RGS5: variants seen among roughly 807,000 people sequenced by gnomAD.
RGS5 encodes regulator of G protein signaling 5.
In RGS5, 20 loss-of-function variants were observed where a neutral mutation model predicts 18.9. The ratio of observed to expected loss-of-function variants is 1.06; its 90% CI spans 0.74 to 1.54. The LOEUF (loss-of-function observed/expected upper bound fraction) is 1.54. Among genes scored for constraint, RGS5 ranks in the 40% most tolerant of loss-of-function variants. RGS5 has a pLI of 0.00. For missense variants in RGS5, 201 were observed against 211.8 expected (o/e 0.95, Z 0.32); for synonymous variants, 57 against 76.2 (o/e 0.75, Z 1.31).
At chr1:163,183,186 A>C (rs1658935040) in intron 1 of RGS5, among the ~76,000 whole-genome samples, 1 of 152,208 alleles carries the variant, frequency 6.6e-6, no homozygotes, top group Non-Finnish European at 1.5e-5. Flanking sequence ...AATGAGGAAT[A>C]AGAGGACTGT....
intron 1 of RGS5, among the ~76,000 whole-genome samples, chr1:163,182,443 GC>G (rs1158536810): frequency 1.3e-5 from 2 of 152,104 alleles, no homozygotes; most frequent in African/African-American, 4.8e-5. Context: ...CCAAGTACTG[GC>G]CACTCCCTAC....
At chr1:163,225,325 C>T (rs1258551818) in intron 2 of RGS5, among the ~76,000 whole-genome samples, 3 of 152,152 alleles carry the variant, frequency 2.0e-5, no homozygotes, top group Non-Finnish European at 4.4e-5. Flanking sequence ...CTGAGTCCAT[C>T]CAGATTTACC....
chr1:163,225,343 A>C (rs1489632721), intron 2 of RGS5, among the ~76,000 whole-genome samples: 1 of 152,184 alleles, frequency 6.6e-6, no homozygotes, highest in African/African-American at 2.4e-5. Flanking sequence ...ACCCATCCTC[A>C]TGAATCCGTT....
intron 3 of RGS5, among the ~76,000 whole-genome samples, chr1:163,160,711 C>T (rs572169519): frequency 5.3e-4 from 81 of 152,168 alleles, no homozygotes; most frequent in Middle Eastern, 6.8e-3. Context: ...TACTCTGTGC[C>T]CATTAATCAT....
intron 1 of RGS5, among the ~76,000 whole-genome samples, chr1:163,181,497 A>G (rs1658845689): frequency 6.6e-6 from 1 of 152,218 alleles, no homozygotes; most frequent in Non-Finnish European, 1.5e-5. Flanking sequence ...CCATTTTAAA[A>G]GTGGAAAAAC....
intron 2 of RGS5, among the ~76,000 whole-genome samples, chr1:163,256,352 C>A (rs936795006): frequency 2.0e-5 from 3 of 151,986 alleles, no homozygotes; most frequent in African/African-American, 4.8e-5. Flanking sequence ...GAGTGAACTC[C>A]CATTCACAGT....
rs1163677747 is a variant in RGS5 at position 163,302,992 on chromosome 1, G to A, written c.-281+3241C>T. On this transcript the variant is annotated intron_variant, in intron 2 of 5. Coordinates refer to the RGS5 transcript ENST00000618415. ...CATTTGCTCCTCTAGACTGAGTGAA[G>A]GATCTATGACTGATTCACCATTTTG... 3.4e-4 allele frequency among the ~76,000 whole-genome samples: 52 copies of A among 152,236 alleles called. 1 individual carries two copies. The highest frequency in any genetic ancestry group is 2.9e-5 in the Non-Finnish European group (2 of 68,018).
intron 3 of RGS5, among the ~76,000 whole-genome samples, chr1:163,154,708 C>A (rs1243375950): frequency 6.6e-6 from 1 of 151,726 alleles, no homozygotes; most frequent in Non-Finnish European, 1.5e-5. Flanking sequence ...ATATTTCCAG[C>A]ACTATTTGTC....
At chr1:163,158,106 G>T (rs2102389271) in intron 3 of RGS5, among the ~76,000 whole-genome samples, 1 of 152,308 alleles carries the variant, frequency 6.6e-6, no homozygotes, top group South Asian at 2.1e-4. Flanking sequence ...ATTCAAATAA[G>T]AACTTCTCAT....
rs1297911261 is a variant in RGS5 at position 163,144,362 on chromosome 1, T to C, written c.*2980A>G. The C allele has an allele frequency of 6.6e-6, 1 of 152,142 alleles. No individual in the cohort carries two copies. Among genetic ancestry groups the C allele is most frequent in the Admixed American group, 6.6e-5 (1 of 15,254 alleles). The allele number at this position is 152,142 out of a possible 1,614,324, so 9.4% of individuals were successfully genotyped here. A position where few individuals can be genotyped will look rare whatever the true frequency, so the allele number is the denominator to read the frequency against. ...TCTCTTTGTCCTGATGTAATTTAGATCTTAATCTAACCCCAACCCTAAACT... is the reference window on the plus strand; with the variant it reads ...TCTCTTTGTCCTGATGTAATTTAGACCTTAATCTAACCCCAACCCTAAACT... On this transcript the variant is annotated 3_prime_UTR_variant, in exon 5 of 5. Coordinates refer to ENST00000313961, the MANE Select transcript of RGS5 (RefSeq NM_003617.4).
chr1:163,321,392 C>T (rs1277168178), intron 1 of RGS5: 3 of 152,196 alleles, frequency 2.0e-5, no homozygotes, highest in Non-Finnish European at 4.4e-5. Context: ...AGCACAGAGT[C>T]AGAGGATGTG....
chr1:163,279,238 A>G (rs549273808), intron 2 of RGS5, among the ~76,000 whole-genome samples: 2 of 152,130 alleles, frequency 1.3e-5, no homozygotes, highest in Non-Finnish European at 2.9e-5. Flanking sequence ...TCATCAGCAC[A>G]TGGAACATTA....
At chr1:163,253,096 T>C (rs1404205940) in intron 2 of RGS5, among the ~76,000 whole-genome samples, 1 of 152,156 alleles carries the variant, frequency 6.6e-6, no homozygotes, top group East Asian at 1.9e-4. Context: ...AAAATTTCAC[T>C]AGGATGAACA....
chr1:163,230,240 A>G (rs1395591027), intron 2 of RGS5, among the ~76,000 whole-genome samples: 2 of 152,334 alleles, frequency 1.3e-5, no homozygotes, highest in South Asian at 2.1e-4. Context: ...AGATCTTTGT[A>G]CTTCATATTA....
intron 2 of RGS5, among the ~76,000 whole-genome samples, chr1:163,232,321 A>G (rs189632927): frequency 2.2e-4 from 33 of 152,282 alleles, no homozygotes; most frequent in African/African-American, 7.2e-4. Flanking sequence ...TTCATACTCA[A>G]TGAAAGTTTC....
chr1:163,270,698 T>C (rs931815370), intron 2 of RGS5, among the ~76,000 whole-genome samples: 1 of 152,126 alleles, frequency 6.6e-6, no homozygotes, highest in Non-Finnish European at 1.5e-5. Context: ...AAGTTTTCAT[T>C]ATTAATGAAA....
intron 1 of RGS5, among the ~76,000 whole-genome samples, chr1:163,213,421 C>A (rs1430907177): frequency 6.6e-6 from 1 of 152,138 alleles, no homozygotes; most frequent in East Asian, 1.9e-4. Flanking sequence ...AGTCAGCTGG[C>A]TCTCTCATTT....
chr1:163,217,405 G>A (rs562696546), intron 1 of RGS5: 1 of 1,064,512 alleles, frequency 9.4e-7, no homozygotes, highest in Admixed American at 3.7e-5. Context: ...TCAAAGAGAA[G>A]AAATTTGGGC....
chr1:163,158,059 T>C (rs913927358), intron 3 of RGS5, among the ~76,000 whole-genome samples: 2 of 152,200 alleles, frequency 1.3e-5, no homozygotes, highest in African/African-American at 4.8e-5. Context: ...CAGCTAATGT[T>C]GGGTAATTTC....
Sources: gnomAD v4.1 joint callset for allele counts (sites outside exome capture counted in the v4.1 genomes callset) on GRCh38, gnomAD v4.1.1 for gene constraint, MANE v1.5 for transcripts, NCBI Gene and HGNC (gene_info 2026-07-23, HGNC 2026-07-21) for gene names.